KCNH7: variants seen among roughly 807,000 people sequenced by gnomAD.
KCNH7 encodes potassium voltage-gated channel subfamily H member 7, also known as voltage-gated inwardly rectifying potassium channel KCNH7.
Under a neutral mutation model 120.8 loss-of-function variants are expected in KCNH7, and 49 were observed. That is an observed-to-expected ratio of 0.41 (90% CI 0.32 to 0.51). The LOEUF (loss-of-function observed/expected upper bound fraction) is 0.51. Ranked by LOEUF, KCNH7 falls within the 20% of genes least tolerant of loss-of-function variation. The probability of loss-of-function intolerance (pLI) is 0.38; values close to 1 mark genes in which losing one functional copy is unlikely to be tolerated. For synonymous variants in KCNH7, 547 were observed against 516.1 expected (o/e 1.06, Z -0.81); for missense variants, 1,097 against 1,446.6 (o/e 0.76, Z 3.92).
intron 6 of KCNH7, among the ~76,000 whole-genome samples, chr2:162,487,109 T>C (rs983696918): frequency 1.3e-5 from 2 of 152,180 alleles, no homozygotes; most frequent in African/African-American, 4.8e-5. Context: ...TCTCAGTAGC[T>C]ACCCAATGAA....
intron 2 of KCNH7, among the ~76,000 whole-genome samples, chr2:162,600,536 A>C (rs763593446): frequency 3.9e-5 from 6 of 152,150 alleles, no homozygotes; most frequent in Non-Finnish European, 8.8e-5. Context: ...AATTGGTTTC[A>C]GTGACAAGCC....
chr2:162,822,868 G>A (rs1354849850), intron 2 of KCNH7, among the ~76,000 whole-genome samples: 1 of 152,188 alleles, frequency 6.6e-6, no homozygotes, highest in Non-Finnish European at 1.5e-5. Context: ...AGGTGTCAAA[G>A]GCACAAGCCC....
chr2:162,718,681 T>A (rs1312531839), intron 2 of KCNH7, among the ~76,000 whole-genome samples: 2 of 152,028 alleles, frequency 1.3e-5, no homozygotes, highest in Non-Finnish European at 2.9e-5. Context: ...AACACTCATT[T>A]TGATATTTAT....
chr2:162,818,183 A>G (rs1418434099), intron 2 of KCNH7, among the ~76,000 whole-genome samples: 1 of 151,872 alleles, frequency 6.6e-6, no homozygotes, highest in African/African-American at 2.4e-5. Flanking sequence ...TGTAATATTT[A>G]CTTGCTCACA....
rs564584620 is a variant in KCNH7, at chr2:162,482,953, C to T, written c.1128+21490G>A. On this transcript the variant is annotated intron_variant, in intron 6 of 15. Transcript: ENST00000332142. ...GCAACCTACTTTTTACCTGCTGTAA[C>T]TGAAAATTCTTGGAACTATTATGCA... 4.6e-5 allele frequency among the ~76,000 whole-genome samples: 7 copies of T among 152,196 alleles called. No homozygotes were observed. The South Asian group carries it at 1.5e-3, about 32-fold the overall frequency.
chr2:162,636,231 G>T lies in KCNH7; in HGVS notation c.308-99151C>A, dbSNP rs1683958166. Among the ~76,000 whole-genome samples, 7 of 152,172 alleles carry T rather than the reference G, an allele frequency of 4.6e-5. No individual in the cohort carries two copies. In the South Asian group the frequency reaches 1.5e-3, roughly 32 times the overall value. On this transcript the variant is annotated intron_variant, in intron 2 of 15. Coordinates refer to ENST00000332142, the MANE Select transcript of KCNH7 (RefSeq NM_033272.4). ...CAAATCAGGGTAAATTAGAATCTCA[G>T]CCAAAGGTAGAAACGGAAAAGAAGA... is the stretch of plus-strand genomic sequence containing the variant.
chr2:162,458,745 G>A (rs1005697932), intron 6 of KCNH7, among the ~76,000 whole-genome samples: 44 of 152,246 alleles, frequency 2.9e-4, no homozygotes, highest in Admixed American at 2.5e-3. Context: ...TGGCTGGGAC[G>A]ATGTGAGGTA....
chr2:162,612,980 TAGAG>T (rs1331945052), intron 2 of KCNH7, among the ~76,000 whole-genome samples: 1 of 151,912 alleles, frequency 6.6e-6, no homozygotes, highest in Non-Finnish European at 1.5e-5. Context: ...TTAAGGAACT[TAGAG>T]GGTAGAATAA....
intron 2 of KCNH7, among the ~76,000 whole-genome samples, chr2:162,757,110 T>C (rs999804833): frequency 6.6e-6 from 1 of 152,196 alleles, no homozygotes; most frequent in Non-Finnish European, 1.5e-5. Flanking sequence ...TTAATTTTAG[T>C]TGTGCATTTT....
intron 2 of KCNH7, among the ~76,000 whole-genome samples, chr2:162,697,020 C>G (rs1686317978): frequency 6.6e-6 from 1 of 152,000 alleles, no homozygotes; most frequent in Admixed American, 6.6e-5. Flanking sequence ...TCTGTATAAA[C>G]TGATGGAGGG....
Position 162,683,084 on chromosome 2 carries a change from T to C in KCNH7, c.308-146004A>G, listed in dbSNP as rs1310671840. ...GCAAGAGTAAAAATTTCAAGCATTGTAGCAAAAAGTATAATACAGAAATGC... is the reference window on the plus strand; with the variant it reads ...GCAAGAGTAAAAATTTCAAGCATTGCAGCAAAAAGTATAATACAGAAATGC... On this transcript the variant is annotated intron_variant, in intron 2 of 15. Coordinates refer to ENST00000332142, the MANE Select transcript of KCNH7 (RefSeq NM_033272.4). Among the ~76,000 whole-genome samples, 3 of 151,854 alleles carry C rather than the reference T, an allele frequency of 2.0e-5. No homozygotes were observed. The East Asian group carries it at 5.8e-4, about 29-fold the overall frequency.
At chr2:162,786,104 A>G (rs994798296) in intron 2 of KCNH7, among the ~76,000 whole-genome samples, 2 of 151,930 alleles carry the variant, frequency 1.3e-5, no homozygotes, top group African/African-American at 2.4e-5. Flanking sequence ...TCACCTGAGC[A>G]TGGTGGTGTG....
intron 2 of KCNH7, among the ~76,000 whole-genome samples, chr2:162,661,671 G>A (rs899998794): frequency 6.6e-6 from 1 of 152,034 alleles, no homozygotes; most frequent in African/African-American, 2.4e-5. Flanking sequence ...CATAAAAAAT[G>A]TCTCGGTAAG....
intron 6 of KCNH7, among the ~76,000 whole-genome samples, chr2:162,495,177 G>A (rs1411165642): frequency 6.6e-6 from 1 of 152,268 alleles, no homozygotes; most frequent in Non-Finnish European, 1.5e-5. Flanking sequence ...GAAACTGGTT[G>A]TTTTACCAAG....
intron 2 of KCNH7, among the ~76,000 whole-genome samples, chr2:162,586,378 G>GC (rs1694021527): frequency 6.6e-6 from 1 of 151,980 alleles, no homozygotes; most frequent in South Asian, 2.1e-4. Flanking sequence ...AACCACGTGG[G>GC]GAGAAAGGCC....
intron 8 of KCNH7, among the ~76,000 whole-genome samples, chr2:162,434,185 C>T (rs572945109): frequency 4.6e-5 from 7 of 152,058 alleles, no homozygotes; most frequent in South Asian, 2.1e-4. Flanking sequence ...GCATTACGTA[C>T]GCATGGACAT....
At chr2:162,428,872 A>AT (rs1437339555) in intron 8 of KCNH7, among the ~76,000 whole-genome samples, 1 of 151,330 alleles carries the variant, frequency 6.6e-6, no homozygotes, top group Non-Finnish European at 1.5e-5. Context: ...ATTCTTTTTA[A>AT]TTTTTTTTAC....
At chr2:162,730,288 T>C (rs1687680452) in intron 2 of KCNH7, among the ~76,000 whole-genome samples, 1 of 151,316 alleles carries the variant, frequency 6.6e-6, no homozygotes. Context: ...CCCAGAATTC[T>C]TGTGAAACAT....
chr2:162,562,295 A>G (rs1010984524), intron 2 of KCNH7, among the ~76,000 whole-genome samples: 1 of 152,162 alleles, frequency 6.6e-6, no homozygotes, highest in Non-Finnish European at 1.5e-5. Flanking sequence ...GATGTATAAT[A>G]TGAATGATTT....
Sources: gnomAD v4.1 joint callset for allele counts (sites outside exome capture counted in the v4.1 genomes callset) on GRCh38, gnomAD v4.1.1 for gene constraint, MANE v1.5 for transcripts, NCBI Gene and HGNC (gene_info 2026-07-23, HGNC 2026-07-21) for gene names.